CUL2: variants seen among roughly 807,000 people sequenced by gnomAD.
CUL2 encodes the protein cullin 2, also known as cullin-2.
In CUL2, 22 loss-of-function variants were observed where a neutral mutation model predicts 110.2. The observed-to-expected ratio is 0.20, with a 90% confidence interval of 0.14 to 0.28. The LOEUF (loss-of-function observed/expected upper bound fraction) is 0.28. CUL2 is among the 10% of genes least tolerant of loss of function. The pLI is 1.00. For missense variants in CUL2, 631 were observed against 905.5 expected (o/e 0.70, Z 3.89); for synonymous variants, 279 against 293.2 (o/e 0.95, Z 0.49).
chr10:35,048,169 T>C (rs1332179562), intron 6 of CUL2, among the ~76,000 whole-genome samples: 1 of 152,122 alleles, frequency 6.6e-6, no homozygotes, highest in Non-Finnish European at 1.5e-5. Flanking sequence ...CCATGTTTAA[T>C]TTCTATTATT....
At chr10:35,045,927 C>T (rs1264416652) in intron 6 of CUL2, among the ~76,000 whole-genome samples, 2 of 152,114 alleles carry the variant, frequency 1.3e-5, no homozygotes, top group Non-Finnish European at 2.9e-5. Flanking sequence ...CAACAGAAAA[C>T]TTATTATCAT....
At chr10:35,088,211 T>C (rs542505018) in intron 1 of CUL2, among the ~76,000 whole-genome samples, 6 of 152,226 alleles carry the variant, frequency 3.9e-5, no homozygotes, top group East Asian at 1.9e-4. Flanking sequence ...TCCAAGAGGA[T>C]AGAAATTTAA....
rs902475921 is a variant in CUL2, at chr10:35,114,947, C to G, written c.-51+11658G>C. Among the ~76,000 whole-genome samples the G allele has an allele frequency of 9.2e-5, 14 of 152,148 alleles. 1 individual carries two copies. The highest frequency in any genetic ancestry group is 8.5e-4 in the Admixed American group (13 of 15,272). The stretch of plus-strand genomic sequence containing the variant: ...CACAAAGAAGCTGGGTGCAGTGGCT[C>G]AAGCCTGTAATCCCAGCACTTTGGG... On this transcript the variant is annotated intron_variant, in intron 1 of 5. Transcript: ENST00000685421.
chr10:35,063,901 A>C (rs1177933374), intron 2 of CUL2: 3 of 152,192 alleles, frequency 2.0e-5, no homozygotes, highest in African/African-American at 7.2e-5. Context: ...TTAGATTATG[A>C]TTCTGGGAAC....
chr10:35,046,978 G>C (rs1425081521), intron 6 of CUL2, among the ~76,000 whole-genome samples: 1 of 152,136 alleles, frequency 6.6e-6, no homozygotes, highest in African/African-American at 2.4e-5. Context: ...CAGTTATTTT[G>C]CTTTTCCTAT....
At chr10:35,058,052 T>C (rs71487389) in intron 4 of CUL2, among the ~76,000 whole-genome samples, 20,561 of 151,850 alleles carry the variant, frequency 0.14, 1,578 homozygotes, top group South Asian at 0.2. Context: ...GAGCCAAGAT[T>C]GTGCCACTGC....
intron 16 of CUL2, 87 bp from the exon 17 acceptor site, chr10:35,025,285 A>G: frequency 7.0e-7 from 1 of 1,426,740 alleles, no homozygotes; most frequent in Non-Finnish European, 9.2e-7. Context: ...AGCAATGAAA[A>G]CCATTCATAT....
intron 6 of CUL2, among the ~76,000 whole-genome samples, chr10:35,046,868 G>C (rs909021881): frequency 1.3e-5 from 2 of 151,554 alleles, no homozygotes; most frequent in East Asian, 3.9e-4. Context: ...ATTCTAGCCT[G>C]GGCAACAGAG....
At chr10:35,033,646 G>T (rs960152471) in intron 10 of CUL2, among the ~76,000 whole-genome samples, 2 of 151,914 alleles carry the variant, frequency 1.3e-5, no homozygotes, top group African/African-American at 4.8e-5. Flanking sequence ...CTGAGGCAGG[G>T]GAACTGCTGG....
At chr10:35,023,203 C>T (rs926662376) in intron 17 of CUL2, among the ~76,000 whole-genome samples, 1 of 152,122 alleles carries the variant, frequency 6.6e-6, no homozygotes, top group African/African-American at 2.4e-5. Context: ...ACACTGTACA[C>T]TGTAAACAGA....
chr10:35,108,000 T>C (rs186604273), intron 1 of CUL2, among the ~76,000 whole-genome samples: 37 of 152,138 alleles, frequency 2.4e-4, no homozygotes, highest in African/African-American at 7.9e-4. Context: ...GTGGCACTTA[T>C]CTGAATTCAT....
At chr10:35,049,193 G>C (rs543397793) in intron 6 of CUL2, among the ~76,000 whole-genome samples, 1 of 152,290 alleles carries the variant, frequency 6.6e-6, no homozygotes, top group East Asian at 1.9e-4. Context: ...TAACCACTCT[G>C]AGCCATGGGT....
intron 2 of CUL2, among the ~76,000 whole-genome samples, chr10:35,068,173 C>A (rs117379382): frequency 0.019 from 2,934 of 151,270 alleles, 45 homozygotes; most frequent in Non-Finnish European, 0.026. Context: ...GTAATCTCAG[C>A]ACTTCAGGAG....
At chr10:35,032,069 G>A (rs1306788186) in intron 12 of CUL2, among the ~76,000 whole-genome samples, 1 of 151,986 alleles carries the variant, frequency 6.6e-6, no homozygotes, top group East Asian at 1.9e-4. Context: ...TATAATTTTT[G>A]ACATTGAACA....
At chr10:35,039,994 A>C (rs1394827273) in intron 8 of CUL2, among the ~76,000 whole-genome samples, 1 of 152,184 alleles carries the variant, frequency 6.6e-6, no homozygotes, top group Non-Finnish European at 1.5e-5. Context: ...CTCTACAAAA[A>C]TACAAAAAAT....
At chr10:35,039,170 T>A in intron 8 of CUL2, 88 bp from the exon 9 acceptor site, 1 of 713,390 alleles carries the variant, frequency 1.4e-6, no homozygotes, top group Non-Finnish European at 2.2e-6. Flanking sequence ...AGCCAAATTT[T>A]AATGGCTGAA....
At chr10:35,044,936 T>G in intron 6 of CUL2, 68 bp from the exon 7 acceptor site, 1 of 1,075,386 alleles carries the variant, frequency 9.3e-7, no homozygotes, top group Non-Finnish European at 1.4e-6. Flanking sequence ...ACCCAAAATA[T>G]GCCAAAATAT....
intron 3 of CUL2, 47 bp downstream of exon 3, chr10:35,062,913 G>A (rs1026423010): frequency 2.8e-6 from 3 of 1,077,242 alleles, no homozygotes; most frequent in African/African-American, 3.2e-5. Context: ...AACTAGTAAA[G>A]TATACAACTA....
Position 35,008,762 on chromosome 10 carries a change from G to T in CUL2, c.*1549C>A, listed in dbSNP as rs773618932. 1.3e-5 allele frequency: 2 copies of T among 152,108 alleles called. No individual in the cohort carries two copies. The highest frequency in any genetic ancestry group is 2.9e-5 in the Non-Finnish European group (2 of 68,028). The allele number at this position is 152,108 out of a possible 1,614,324, so 9.4% of individuals were successfully genotyped here. A position where few individuals can be genotyped will look rare whatever the true frequency, so the allele number is the denominator to read the frequency against. ...AAAAATGCAATTGAATAAACCAATT[G>T]TAAGACCCATCTCAAAACAACAAAT... is the stretch of plus-strand genomic sequence containing the variant. On this transcript the variant is annotated 3_prime_UTR_variant, in exon 21 of 21. Coordinates refer to ENST00000374749, the MANE Select transcript of CUL2 (RefSeq NM_003591.4).
Sources: allele counts gnomAD v4.1 joint callset (sites outside exome capture counted in the v4.1 genomes callset), GRCh38; gene constraint gnomAD v4.1.1; transcripts MANE v1.5; gene names NCBI Gene and HGNC (gene_info 2026-07-23, HGNC 2026-07-21).